CCDC127: variants seen among roughly 807,000 people sequenced by gnomAD.
The protein encoded by CCDC127 is coiled-coil domain containing 127, also known as coiled-coil domain-containing protein 127.
Under a neutral mutation model 4.1 loss-of-function variants are expected in CCDC127, and 2 were observed. That is an observed-to-expected ratio of 0.49 (90% CI 0.20 to 1.53). CCDC127 has a LOEUF of 1.53. CCDC127 is among the 40% of genes most tolerant of loss of function. The pLI is 0.23. For missense variants in CCDC127, 271 were observed against 322.9 expected, an observed-to-expected ratio of 0.84 and a Z score of 1.23; for synonymous variants, 98 against 120.4, an observed-to-expected ratio of 0.81 and a Z score of 1.22.
chr5:206,110 G>A, intron 2 of CCDC127, 152 bp from the exon 3 acceptor site: 1 of 730,614 alleles, frequency 1.4e-6, no homozygotes, highest in Non-Finnish European at 2.2e-6. Flanking sequence ...GTGAAAATGT[G>A]TAACAGGCCA....
In CCDC127 at chr5:197,012, A is replaced by G. The variant is rs13180776; in HGVS notation, c.*8285T>C. 1 of 150,274 alleles carries G rather than the reference A, an allele frequency of 6.7e-6. No homozygotes were observed. Among genetic ancestry groups the G allele is most frequent in the Non-Finnish European group, 1.5e-5 (1 of 67,802 alleles). The allele number at this position is 150,274 out of a possible 1,614,324, so 9.3% of individuals were successfully genotyped here. On this transcript the variant is annotated 3_prime_UTR_variant, in exon 3 of 3. Transcript: ENST00000296824. ...AATGTAGTAGGAGAGCAGGGTGATA[A>G]TAAGGAGGAGGTCAGCAAAAACGTG...
At chr5:213,225 G>A (rs1734308827) in intron 2 of CCDC127, among the ~76,000 whole-genome samples, 1 of 88,184 alleles carries the variant, frequency 1.1e-5, no homozygotes, top group Non-Finnish European at 2.0e-5. Flanking sequence ...CACCCATCAG[G>A]ATGGGGCAGA....
intron 1 of CCDC127, 110 bp downstream of exon 1, chr5:217,983 C>T: frequency 3.2e-6 from 2 of 625,842 alleles, no homozygotes; most frequent in Non-Finnish European, 4.2e-6. Context: ...GACCCCATTC[C>T]CTGCGGTCTG....
rs1205984406 is a variant in CCDC127 at position 200,462 on chromosome 5, C to A, written c.*4835G>T. 1 of 152,446 alleles carries A rather than the reference C, an allele frequency of 6.6e-6. No individual in the cohort carries two copies. Among genetic ancestry groups the A allele is most frequent in the East Asian group, 1.9e-4 (1 of 5,184 alleles). 9.4% of individuals were successfully genotyped at this position (152,446 alleles called of 1,614,324 possible). ...GGGGCAGGCTCAGGAGCTGTGGGAA[C>A]CGCCCTGTCCCACCGTGTGGCCAGA... On this transcript the variant is annotated 3_prime_UTR_variant, in exon 3 of 3. Coordinates refer to ENST00000296824, the MANE Select transcript of CCDC127 (RefSeq NM_145265.3).
At chr5:217,898 A>C (rs1734455817) in intron 1 of CCDC127, among the ~76,000 whole-genome samples, 195 bp downstream of exon 1, 1 of 152,280 alleles carries the variant, frequency 6.6e-6, no homozygotes, top group Non-Finnish European at 1.5e-5. Flanking sequence ...TAGTTAATCA[A>C]GGGATGTATA....
At chr5:208,863 C>G (rs1560975849) in intron 2 of CCDC127, among the ~76,000 whole-genome samples, 1 of 152,172 alleles carries the variant, frequency 6.6e-6, no homozygotes. Flanking sequence ...AAAATCACTC[C>G]TAGTACCAAG....
rs568119932 is a variant in CCDC127, at chr5:197,285, T to C, written c.*8012A>G. The C allele has an allele frequency of 1.1e-3, 166 of 152,270 alleles. 1 individual carries two copies. Among genetic ancestry groups the C allele is most frequent in the African/African-American group, 3.7e-3 (153 of 41,538 alleles). The allele number at this position is 152,270 out of a possible 1,614,324, so 9.4% of individuals were successfully genotyped here. A position where few individuals can be genotyped will look rare whatever the true frequency, so the allele number is the denominator to read the frequency against. On this transcript the variant is annotated 3_prime_UTR_variant, in exon 3 of 3. Transcript: ENST00000296824. ...GTTCCCAGCGGCGAGCAGGAGACAG[T>C]GGACTTCTCTCTCTCAACTGCAAGA...
Position 202,019 on chromosome 5 carries a change from G to A in CCDC127, c.*3278C>T, listed in dbSNP as rs934646255. On this transcript the variant is annotated 3_prime_UTR_variant, in exon 3 of 3. Transcript: ENST00000296824. ...CCAAGAAAGCAGCAGGACAAATAATGCTTGACTCTGATGTCGCTACAAATT... is the reference window on the plus strand; with the variant it reads ...CCAAGAAAGCAGCAGGACAAATAATACTTGACTCTGATGTCGCTACAAATT... The A allele has an allele frequency of 1.3e-5, 2 of 152,192 alleles. No homozygotes were observed. Among genetic ancestry groups the A allele is most frequent in the African/African-American group, 4.8e-5 (2 of 41,438 alleles). The allele number at this position is 152,192 out of a possible 1,614,324, so 9.4% of individuals were successfully genotyped here. A position where few individuals can be genotyped will look rare whatever the true frequency, so the allele number is the denominator to read the frequency against.
chr5:217,966 C>T, intron 1 of CCDC127, 127 bp downstream of exon 1: 3 of 454,896 alleles, frequency 6.6e-6, no homozygotes, highest in Non-Finnish European at 9.2e-6. Context: ...GACGAGCGCC[C>T]CCCTCCGACC....
Position 205,370 on chromosome 5 carries a change from T to G in CCDC127, c.710A>C (p.Tyr237Ser). 1 of 1,614,230 alleles carries G rather than the reference T, an allele frequency of 6.2e-7. No homozygotes were observed. Reference sequence around the variant, plus strand: ...GACAACGAGTTCCCAGTATTTGAGATAGAGCCACATGAGTCTGCCATTCTG... The same window carrying G: ...GACAACGAGTTCCCAGTATTTGAGAGAGAGCCACATGAGTCTGCCATTCTG... ...KRQNGRLMWLYLKYWELVVEL... is the reference protein window; with the variant it reads ...KRQNGRLMWLSLKYWELVVEL... Residue 237 changes from tyrosine (Y) to serine (S), a missense_variant, in exon 3 of 3, where the codon TAT becomes TCT. By Grantham distance (144) the Tyr-to-Ser change is moderately radical. Transcript: ENST00000296824.
intron 2 of CCDC127, among the ~76,000 whole-genome samples, 196 bp from the exon 3 acceptor site, chr5:206,154 G>T (rs1360707067): frequency 6.7e-6 from 1 of 149,966 alleles, no homozygotes; most frequent in Non-Finnish European, 1.5e-5. Context: ...AGGGCTGGGT[G>T]ACCAAAAGAC....
chr5:205,394 T>C lies in CCDC127; in HGVS notation c.686A>G (p.Gln229Arg). Residue 229 changes from glutamine to arginine, a missense_variant, in exon 3 of 3, where the codon CAG becomes CGG. Physicochemically the swap from Gln to Arg is conservative, Grantham distance 43. Around this residue, in one of 2 missense-constraint regions of CCDC127, gnomAD observed 265 missense variants for 270.9 expected, o/e 0.98. Transcript: ENST00000296824. Reference protein sequence around the residue: ...CGDVWNTNKRQNGRLMWLYLK... With the variant: ...CGDVWNTNKRRNGRLMWLYLK... ...ATAGAGCCACATGAGTCTGCCATTC[T>C]GGCGTTTGTTGGTGTTCCAGACATC... 6.2e-7 allele frequency: 1 copy of C among 1,614,264 alleles called. No homozygotes were observed. The highest frequency in any genetic ancestry group is 2.2e-5 in the East Asian group (1 of 44,894).
In CCDC127 at chr5:197,353, C is replaced by A. The variant is rs181985301; in HGVS notation, c.*7944G>T. ...AACCCATGTCAGCACAGACCCTTTACGGGTGTCGGGCTGGGGGACGGTCAG... is the reference window on the plus strand; with the variant it reads ...AACCCATGTCAGCACAGACCCTTTAAGGGTGTCGGGCTGGGGGACGGTCAG... On this transcript the variant is annotated 3_prime_UTR_variant, in exon 3 of 3. Coordinates refer to ENST00000296824, the MANE Select transcript of CCDC127 (RefSeq NM_145265.3). The A allele has an allele frequency of 6.6e-6, 1 of 152,184 alleles. No homozygotes were observed. The highest frequency in any genetic ancestry group is 1.5e-5 in the Non-Finnish European group (1 of 68,054). 9.4% of individuals were successfully genotyped at this position (152,184 alleles called of 1,614,324 possible). A position where few individuals can be genotyped will look rare whatever the true frequency, so the allele number is the denominator to read the frequency against.
At position 201,471 on chromosome 5, in the gene CCDC127, A is replaced by G. The variant is rs1208215291; in HGVS notation, c.*3826T>C. ...TGAAGTTTTTCCGTTGAAACACCCCATAATTGGTGCAAGGTTTGCAGAACA... is the reference window on the plus strand; with the variant it reads ...TGAAGTTTTTCCGTTGAAACACCCCGTAATTGGTGCAAGGTTTGCAGAACA... On this transcript the variant is annotated 3_prime_UTR_variant, in exon 3 of 3. Transcript: ENST00000296824. The G allele has an allele frequency of 6.6e-6, 1 of 152,222 alleles. No individual in the cohort carries two copies. Among genetic ancestry groups the G allele is most frequent in the African/African-American group, 2.4e-5 (1 of 41,456 alleles). 9.4% of individuals were successfully genotyped at this position (152,222 alleles called of 1,614,324 possible). A position where few individuals can be genotyped will look rare whatever the true frequency, so the allele number is the denominator to read the frequency against.
In CCDC127 at chr5:205,670, A is replaced by G. The variant is rs370797570; in HGVS notation, c.410T>C (p.Leu137Ser). Residue 137 changes from leucine (L) to serine (S), a missense_variant, in exon 3 of 3, where the codon TTG (leucine) becomes TCG (serine). Leu to Ser is a moderately radical substitution (Grantham distance 145). Around this residue, in one of 2 missense-constraint regions of CCDC127, gnomAD observed 265 missense variants for 270.9 expected, o/e 0.98. Transcript: ENST00000296824. ...VMQEKRQVQPLRSAYLSCLQR... is the reference protein window; with the variant it reads ...VMQEKRQVQPSRSAYLSCLQR... The stretch of plus-strand genomic sequence containing the variant: ...CAGGCAGCTCAAATACGCACTTCTC[A>G]AAGGCTGCACCTGTCTTTTTTCTTG... 6.8e-6 allele frequency: 11 copies of G among 1,614,026 alleles called. No homozygotes were observed. The highest frequency in any genetic ancestry group is 1.6e-4 in the Middle Eastern group (1 of 6,084).
At chr5:207,987 G>C (rs1734211742) in intron 2 of CCDC127, among the ~76,000 whole-genome samples, 2 of 152,150 alleles carry the variant, frequency 1.3e-5, no homozygotes, top group African/African-American at 4.8e-5. Flanking sequence ...TGGCTGGACA[G>C]GGAGCCAGGC....
chr5:197,770 C>G lies in CCDC127; in HGVS notation c.*7527G>C, dbSNP rs913718246. On this transcript the variant is annotated 3_prime_UTR_variant, in exon 3 of 3. Coordinates refer to ENST00000296824, the MANE Select transcript of CCDC127 (RefSeq NM_145265.3). ...TAGACACAGTGACAGTCTGATCTCT[C>G]TTTTCCCTACACCGCTGCCCCGTAT... 6.9e-6 allele frequency: 1 copy of G among 145,982 alleles called. No individual in the cohort carries two copies. The highest frequency in any genetic ancestry group is 1.5e-5 in the Non-Finnish European group (1 of 66,146). The allele number at this position is 145,982 out of a possible 1,614,324, so 9.0% of individuals were successfully genotyped here. A position where few individuals can be genotyped will look rare whatever the true frequency, so the allele number is the denominator to read the frequency against.
rs557732527 is a variant in CCDC127, at chr5:206,015, A to G, written c.122-57T>C. On this transcript the variant is annotated intron_variant, in intron 2 of 2. Coordinates refer to ENST00000296824, the MANE Select transcript of CCDC127 (RefSeq NM_145265.3). ...AAAAAGTTAGGGCTGAAGTTCTATA[A>G]TCCTCACTTAAATCATAAGGCAGCT... 875 of 1,453,380 alleles carry G rather than the reference A, an allele frequency of 6.0e-4. 3 individuals are homozygous for G. Among genetic ancestry groups the G allele is most frequent in the South Asian group, 2.1e-3 (166 of 77,632 alleles). 90.0% of individuals were successfully genotyped at this position (1,453,380 alleles called of 1,614,324 possible).
intron 2 of CCDC127, among the ~76,000 whole-genome samples, chr5:206,586 G>A (rs547062073): frequency 1.3e-5 from 2 of 152,270 alleles, no homozygotes; most frequent in African/African-American, 4.8e-5. Context: ...AAGACCGGAT[G>A]ACTCACACAG....
Sources: allele counts gnomAD v4.1 joint callset (sites outside exome capture counted in the v4.1 genomes callset), GRCh38; gene constraint gnomAD v4.1.1; regional missense constraint gnomAD v4.1.1; transcripts MANE v1.5; gene names NCBI Gene and HGNC (gene_info 2026-07-23, HGNC 2026-07-21).